The following PRSS23 variants were observed in gnomAD, a reference collection of about 807,000 sequenced individuals.
PRSS23 encodes protease, serine 23.
Under a neutral mutation model 34.7 loss-of-function variants are expected in PRSS23, and 25 were observed. That is an observed-to-expected ratio of 0.72 (90% CI 0.53 to 1.01). The LOEUF (loss-of-function observed/expected upper bound fraction) is 1.01. PRSS23 is among the 50% of genes least tolerant of loss of function. The pLI is 0.00. For synonymous variants in PRSS23, 176 were observed against 186.6 expected, an observed-to-expected ratio of 0.94 and a Z score of 0.46; for missense variants, 445 against 475.6, an observed-to-expected ratio of 0.94 and a Z score of 0.60.
intron 2 of PRSS23, among the ~76,000 whole-genome samples, chr11:86,829,902 G>C (rs902361876): frequency 1.6e-4 from 24 of 152,136 alleles, no homozygotes; most frequent in African/African-American, 5.6e-4. Context: ...GCCCCTACTG[G>C]GGGGTGCCTC....
At chr11:86,887,789 T>A (rs1206281324) in intron 2 of PRSS23, among the ~76,000 whole-genome samples, 3 of 152,086 alleles carry the variant, frequency 2.0e-5, no homozygotes, top group Non-Finnish European at 2.9e-5. Flanking sequence ...CAGTGGCTCA[T>A]GCCTGTAAAC....
Position 86,807,954 on chromosome 11 carries a change from A to C in PRSS23, c.311A>C (p.Tyr104Ser). Residue 104 changes from tyrosine to serine, a missense_variant, in exon 2 of 2, where the codon TAC becomes TCC. Tyr to Ser is a moderately radical substitution (Grantham distance 144). Coordinates refer to ENST00000280258, the MANE Select transcript of PRSS23 (RefSeq NM_007173.6). ...CGCACAGAGACGCAGGTGGGCATCT[A>C]CATCCTCAGCAGTAGTGGAGATGGG... ...GSRTETQVGI[Y>S]ILSSSGDGAQ... The C allele has an allele frequency of 6.2e-7, 1 of 1,614,102 alleles. No homozygotes were observed. Among genetic ancestry groups the C allele is most frequent in the East Asian group, 2.2e-5 (1 of 44,874 alleles).
At chr11:86,929,819 T>A (rs981285401) in intron 2 of PRSS23, among the ~76,000 whole-genome samples, 2 of 152,232 alleles carry the variant, frequency 1.3e-5, no homozygotes, top group South Asian at 2.1e-4. Flanking sequence ...CAGGCCTAGA[T>A]CATTTATAGA....
intron 2 of PRSS23, among the ~76,000 whole-genome samples, chr11:86,888,875 C>T (rs903729253): frequency 2.0e-5 from 3 of 152,216 alleles, no homozygotes; most frequent in East Asian, 3.8e-4. Flanking sequence ...TGGTTCCTAG[C>T]GCTGCCTAGC....
chr11:86,823,502 C>A (rs1447916403), exon 2 of PRSS23: 1 of 702,526 alleles, frequency 1.4e-6, no homozygotes, highest in South Asian at 1.5e-5. Flanking sequence ...TCCTGAATAC[C>A]AACTAGGTTC....
intron 2 of PRSS23, among the ~76,000 whole-genome samples, chr11:86,836,309 G>A (rs1351251335): frequency 2.6e-5 from 4 of 152,148 alleles, no homozygotes; most frequent in Non-Finnish European, 5.9e-5. Flanking sequence ...TGGAGTCCTT[G>A]TTGGGCCTTG....
chr11:86,879,884 G>A (rs1420341415), intron 2 of PRSS23, among the ~76,000 whole-genome samples: 2 of 145,896 alleles, frequency 1.4e-5, no homozygotes, highest in African/African-American at 5.1e-5. Context: ...GCCTCTGCCC[G>A]GCCGCCCCTA....
At chr11:86,945,507 C>T (rs972571492) in intron 2 of PRSS23, among the ~76,000 whole-genome samples, 6 of 152,060 alleles carry the variant, frequency 3.9e-5, no homozygotes, top group Admixed American at 6.5e-5. Flanking sequence ...GGTTTGCTGA[C>T]GCAGGAGAAA....
At chr11:86,916,738 G>GC (rs1486667429) in intron 2 of PRSS23, among the ~76,000 whole-genome samples, 2 of 151,992 alleles carry the variant, frequency 1.3e-5, no homozygotes, top group African/African-American at 2.4e-5. Context: ...ATGTGTAGGG[G>GC]CCTCCCAGTC....
intron 1 of PRSS23, among the ~76,000 whole-genome samples, chr11:86,807,101 G>A (rs1259569835): frequency 1.3e-5 from 2 of 152,162 alleles, no homozygotes; most frequent in Non-Finnish European, 2.9e-5. Context: ...GTGACACTGT[G>A]GAGCTGTCCT....
intron 2 of PRSS23, among the ~76,000 whole-genome samples, chr11:86,888,373 TA>T (rs755861784): frequency 1.3e-5 from 2 of 152,152 alleles, no homozygotes; most frequent in Non-Finnish European, 2.9e-5. Context: ...TATTGTCTTA[TA>T]ATAAATCGTG....
chr11:86,800,506 A>T (rs1039682492), upstream of PRSS23: 62 of 984,016 alleles, frequency 6.3e-5, no homozygotes, highest in Non-Finnish European at 7.4e-5. Flanking sequence ...CGGGGGGCGG[A>T]CCCGCCAGCT....
At chr11:86,791,782 G>C (rs372905551) in intron 1 of PRSS23, among the ~76,000 whole-genome samples, 1 of 152,194 alleles carries the variant, frequency 6.6e-6, no homozygotes, top group African/African-American at 2.4e-5. Context: ...GTGGCTCCCC[G>C]TGGCACACCT....
chr11:86,822,632 A>G (rs1354855356), intron 1 of PRSS23, among the ~76,000 whole-genome samples: 4 of 151,858 alleles, frequency 2.6e-5, no homozygotes, highest in African/African-American at 9.7e-5. Flanking sequence ...AAAAAAAAAA[A>G]AAAAAAAATG....
chr11:86,875,607 C>G (rs577469103), intron 2 of PRSS23, among the ~76,000 whole-genome samples: 14 of 152,314 alleles, frequency 9.2e-5, no homozygotes, highest in Middle Eastern at 3.4e-3. Context: ...AGACCACTAA[C>G]TTTTTCTGCA....
intron 2 of PRSS23, among the ~76,000 whole-genome samples, chr11:86,843,455 A>C (rs1948463288): frequency 6.6e-6 from 1 of 152,248 alleles, no homozygotes; most frequent in African/African-American, 2.4e-5. Flanking sequence ...TCTGCACAGC[A>C]AAAGAAACTA....
chr11:86,864,503 C>T (rs1948637457), intron 2 of PRSS23, among the ~76,000 whole-genome samples: 1 of 152,256 alleles, frequency 6.6e-6, no homozygotes, highest in African/African-American at 2.4e-5. Context: ...ACATCAGTCT[C>T]TCTGGAGCTG....
intron 2 of PRSS23, among the ~76,000 whole-genome samples, chr11:86,890,884 G>C (rs1293179513): frequency 6.6e-6 from 1 of 152,108 alleles, no homozygotes. Flanking sequence ...CTGACTCTTG[G>C]TCTCTTCTTC....
exon 2 of PRSS23, chr11:86,823,486 A>G (rs1948269654): frequency 1.4e-6 from 1 of 702,462 alleles, no homozygotes; most frequent in South Asian, 1.5e-5. Context: ...CAATTCAACC[A>G]CCACCTCCTG....
Sources: allele counts gnomAD v4.1 joint callset (sites outside exome capture counted in the v4.1 genomes callset), GRCh38; gene constraint gnomAD v4.1.1; transcripts MANE v1.5; gene names NCBI Gene and HGNC (gene_info 2026-07-23, HGNC 2026-07-21).